NOTCH2NLB: variants seen among roughly 807,000 people sequenced by gnomAD.
NOTCH2NLB encodes notch homolog 2 N-terminal-like protein B.
NOTCH2NLB carries 1 observed loss-of-function variant against 14.8 expected under a neutral mutation model. The ratio of observed to expected loss-of-function variants is 0.07; its 90% confidence interval spans 0.02 to 0.32. The LOEUF (loss-of-function observed/expected upper bound fraction) is 0.32, where lower values mean the gene tolerates loss of function less well. Among genes scored for constraint, NOTCH2NLB ranks in the 10% least tolerant of loss-of-function variants. The probability of loss-of-function intolerance (pLI) is 1.00; values close to 1 mark genes in which losing one functional copy is unlikely to be tolerated. For synonymous variants in NOTCH2NLB, 6 were observed against 57.5 expected, an observed-to-expected ratio of 0.10 and a Z score of 4.05; for missense variants, 11 against 155.0, an observed-to-expected ratio of 0.07 and a Z score of 4.93.
At chr1:148,693,215 C>T in the NOTCH2NLB span, among the ~76,000 whole-genome samples, 1 of 152,206 alleles carries the variant, frequency 6.6e-6, no homozygotes, top group African/African-American at 2.4e-5. Context: ...TGTGGCTGGG[C>T]TGTATCCTCC....
chr1:148,707,958 C>G, the NOTCH2NLB span, among the ~76,000 whole-genome samples: 1 of 33,092 alleles, frequency 3.0e-5, no homozygotes, highest in African/African-American at 9.7e-5. Flanking sequence ...TCTCCTATTC[C>G]CCCCCCCCCA....
the NOTCH2NLB span, among the ~76,000 whole-genome samples, chr1:148,691,854 C>G: frequency 1.0e-5 from 1 of 100,330 alleles, no homozygotes; most frequent in Non-Finnish European, 2.0e-5. Context: ...ACACCCCCCC[C>G]GCTCTTGCTC....
At chr1:148,627,718 A>ACC (rs1664015557) in intron 2 of NOTCH2NLB, among the ~76,000 whole-genome samples, 1 of 151,346 alleles carries the variant, frequency 6.6e-6, no homozygotes, top group African/African-American at 2.4e-5. Context: ...CAGCCTTGAC[A>ACC]CCCCCTCTGT....
At chr1:148,637,754 CCT>C (rs1407076166) in intron 2 of NOTCH2NLB, among the ~76,000 whole-genome samples, 85 of 136,652 alleles carry the variant, frequency 6.2e-4, no homozygotes, top group Non-Finnish European at 7.9e-5. Flanking sequence ...CCCCCCACCC[CCT>C]GACAGGCCCC....
intron 1 of NOTCH2NLB, among the ~76,000 whole-genome samples, chr1:148,673,637 C>T (rs1275861493): frequency 0.019 from 2,736 of 146,530 alleles, 8 homozygotes; most frequent in African/African-American, 0.06. Context: ...TGCTGGATTT[C>T]GCAAATTTCT....
chr1:148,621,570 T>C (rs1218169916), intron 2 of NOTCH2NLB, among the ~76,000 whole-genome samples: 2 of 126,842 alleles, frequency 1.6e-5, no homozygotes, highest in Non-Finnish European at 3.3e-5. Flanking sequence ...ACTCTGGAAA[T>C]ACTAAAGTCT....
intron 3 of NOTCH2NLB, among the ~76,000 whole-genome samples, chr1:148,609,956 C>T (rs1378278790): frequency 7.2e-6 from 1 of 139,670 alleles, no homozygotes; most frequent in Non-Finnish European, 1.5e-5. Context: ...TCACTTCTAG[C>T]AAGTGTGATT....
At chr1:148,634,245 A>G (rs1303571589) in intron 2 of NOTCH2NLB, among the ~76,000 whole-genome samples, 1 of 148,194 alleles carries the variant, frequency 6.7e-6, no homozygotes, top group East Asian at 1.9e-4. Flanking sequence ...CAGAAAAACT[A>G]TATACACAAT....
intron 2 of NOTCH2NLB, among the ~76,000 whole-genome samples, chr1:148,625,645 G>C (rs1198342183): frequency 3.3e-5 from 4 of 119,894 alleles, no homozygotes; most frequent in Admixed American, 2.4e-4. Flanking sequence ...CTTTCTTCTT[G>C]CACTGGGCCT....
intron 1 of NOTCH2NLB, among the ~76,000 whole-genome samples, chr1:148,661,263 G>C (rs1664675688): frequency 6.8e-6 from 1 of 147,512 alleles, no homozygotes; most frequent in African/African-American, 2.5e-5. Flanking sequence ...ATTCTGGACA[G>C]CTATTCCTTG....
intron 2 of NOTCH2NLB, among the ~76,000 whole-genome samples, chr1:148,636,679 T>C (rs1472582641): frequency 3.0e-5 from 3 of 100,112 alleles, no homozygotes; most frequent in Non-Finnish European, 1.8e-5. Context: ...GAAAATACAC[T>C]GAAAGCTCTG....
intron 2 of NOTCH2NLB, among the ~76,000 whole-genome samples, chr1:148,625,272 C>T (rs1409854999): frequency 3.5e-5 from 2 of 57,190 alleles, no homozygotes; most frequent in African/African-American, 9.5e-5. Flanking sequence ...TTTTCTCCAC[C>T]GAATGTTCTG....
At chr1:148,627,587 C>T (rs1664010046) in intron 2 of NOTCH2NLB, among the ~76,000 whole-genome samples, 1 of 149,680 alleles carries the variant, frequency 6.7e-6, no homozygotes, top group Admixed American at 6.6e-5. Context: ...TAGTACACTA[C>T]TTCTCACTTC....
intron 2 of NOTCH2NLB, among the ~76,000 whole-genome samples, chr1:148,638,783 A>G (rs1481693158): frequency 1.3e-5 from 2 of 148,876 alleles, no homozygotes; most frequent in East Asian, 1.9e-4. Flanking sequence ...AACAGATCTC[A>G]CTGGAAAAAA....
At chr1:148,628,354 GAA>G (rs1280730972) in intron 2 of NOTCH2NLB, among the ~76,000 whole-genome samples, 1 of 110,902 alleles carries the variant, frequency 9.0e-6, no homozygotes, top group Non-Finnish European at 1.7e-5. Context: ...TCTCTAGAAA[GAA>G]AAGTGTTGGA....
At chr1:148,626,290 A>AC (rs1411830666) in intron 2 of NOTCH2NLB, among the ~76,000 whole-genome samples, 3 of 106,042 alleles carry the variant, frequency 2.8e-5, no homozygotes, top group East Asian at 4.3e-4. Flanking sequence ...TCTACTCTCA[A>AC]CCCCCCCTTC....
chr1:148,696,018 A>ACTT, the NOTCH2NLB span, among the ~76,000 whole-genome samples: 1 of 56,056 alleles, frequency 1.8e-5, no homozygotes, highest in Non-Finnish European at 4.1e-5. Context: ...TGATCATGGG[A>ACTT]CTTCACAGGT....
rs1487731260 is a variant in NOTCH2NLB at position 148,609,583 on chromosome 1, C to T, written c.338-1838G>A. ...GTGTGCATGTGTCTTTATAGCAGCA[C>T]GATTTATAATTCTTTGGGTATATAC... On this transcript the variant is annotated intron_variant, in intron 3 of 4. Transcript: ENST00000593495. Among the ~76,000 whole-genome samples, 15 of 141,752 alleles carry T rather than the reference C, an allele frequency of 1.1e-4. 1 individual carries two copies. Among genetic ancestry groups the T allele is most frequent in the Admixed American group, 4.9e-4 (7 of 14,392 alleles). 93.0% of individuals were successfully genotyped at this position (141,752 alleles called of 152,430 possible).
chr1:148,638,306 A>G (rs1293856427), intron 2 of NOTCH2NLB, among the ~76,000 whole-genome samples: 1 of 148,876 alleles, frequency 6.7e-6, no homozygotes, highest in Non-Finnish European at 1.5e-5. Flanking sequence ...AGGCACTGTA[A>G]TAGGCATTAA....
Sources: allele counts gnomAD v4.1 joint callset (sites outside exome capture counted in the v4.1 genomes callset), GRCh38; gene constraint gnomAD v4.1.1; transcripts MANE v1.5; gene names NCBI Gene and HGNC (gene_info 2026-07-23, HGNC 2026-07-21).